The following CDK14 variants were observed in gnomAD, a reference collection of about 807,000 sequenced individuals.
CDK14 encodes cyclin-dependent kinase 14.
CDK14 carries 34 observed loss-of-function variants against 60.7 expected under a neutral mutation model. The observed-to-expected ratio is 0.56, with a 90% CI of 0.43 to 0.75. The LOEUF (loss-of-function observed/expected upper bound fraction) is 0.75, where lower values mean the gene tolerates loss of function less well. Ranked by LOEUF, CDK14 falls within the 30% of genes least tolerant of loss-of-function variation. The pLI is 0.00. For missense variants in CDK14, 482 were observed against 564.1 expected, an observed-to-expected ratio of 0.85 and a Z score of 1.47; for synonymous variants, 197 against 203.7, an observed-to-expected ratio of 0.97 and a Z score of 0.28.
chr7:91,038,807 A>C (rs1797002798), intron 10 of CDK14, among the ~76,000 whole-genome samples: 1 of 152,074 alleles, frequency 6.6e-6, no homozygotes, highest in Non-Finnish European at 1.5e-5. Context: ...GGTTTAAAAA[A>C]TGGGAGTTTC....
rs909965149 is a variant in CDK14 at position 91,107,617 on chromosome 7, G to A, written c.1155-4925G>A. 3 of 152,156 alleles carry A rather than the reference G, an allele frequency of 2.0e-5. No individual in the cohort carries two copies. The South Asian group carries it at 6.2e-4, about 32-fold the overall frequency. The allele number at this position is 152,156 out of a possible 1,614,324, so 9.4% of individuals were successfully genotyped here. A position where few individuals can be genotyped will look rare whatever the true frequency, so the allele number is the denominator to read the frequency against. ...TGTTGCTGGTTTTGGGAGAGCTCTA[G>A]TGTTCGTTGTCCAAGCATTAAAGTG... On this transcript the variant is annotated intron_variant, in intron 12 of 14. Transcript: ENST00000380050.
chr7:91,098,446 T>C (rs966168726), intron 12 of CDK14, among the ~76,000 whole-genome samples: 2 of 150,858 alleles, frequency 1.3e-5, no homozygotes, highest in Non-Finnish European at 2.9e-5. Context: ...ATGGCACATG[T>C]ATACATATGT....
chr7:91,079,221 A>G (rs1431269034), intron 11 of CDK14, among the ~76,000 whole-genome samples: 3 of 152,218 alleles, frequency 2.0e-5, no homozygotes, highest in Non-Finnish European at 4.4e-5. Context: ...AAACCATCTT[A>G]GACTAAAGAA....
intron 2 of CDK14, among the ~76,000 whole-genome samples, chr7:90,685,404 A>G (rs973955600): frequency 1.3e-5 from 2 of 152,168 alleles, no homozygotes. Flanking sequence ...TCCAGTAAAC[A>G]TTAGAATTAC....
At chr7:91,130,473 G>C (rs1310660550) in intron 14 of CDK14, among the ~76,000 whole-genome samples, 1 of 152,078 alleles carries the variant, frequency 6.6e-6, no homozygotes, top group Non-Finnish European at 1.5e-5. Context: ...GGGGTCCTAA[G>C]ATAAAAAAGT....
intron 8 of CDK14, among the ~76,000 whole-genome samples, chr7:90,931,985 C>T (rs2117474585): frequency 6.6e-6 from 1 of 152,168 alleles, no homozygotes; most frequent in East Asian, 1.9e-4. Flanking sequence ...TGACAATTTA[C>T]AAGACGGAAA....
In CDK14 at chr7:90,647,006, A is replaced by C. The variant is rs546362261; in HGVS notation, c.123+42757A>C. 5.3e-5 allele frequency among the ~76,000 whole-genome samples: 8 copies of C among 152,150 alleles called. No individual in the cohort carries two copies. In the South Asian group the frequency reaches 1.7e-3, roughly 32 times the overall value. The stretch of plus-strand genomic sequence containing the variant: ...GTTTTTCCACCTTTACCCTTGTTGC[A>C]TTTTCTGAAGCTTGCAATCTGGAAC... On this transcript the variant is annotated intron_variant, in intron 2 of 14. Transcript: ENST00000380050.
intron 5 of CDK14, among the ~76,000 whole-genome samples, chr7:90,836,334 C>T (rs1412267001): frequency 6.6e-6 from 1 of 152,112 alleles, no homozygotes; most frequent in Non-Finnish European, 1.5e-5. Flanking sequence ...ATTCTATAAG[C>T]TATTTTTAAT....
intron 5 of CDK14, among the ~76,000 whole-genome samples, chr7:90,811,821 C>T (rs1305241320): frequency 2.6e-5 from 4 of 152,222 alleles, no homozygotes; most frequent in Non-Finnish European, 5.9e-5. Context: ...TGAAGAGACA[C>T]TTCTCAAAAG....
At chr7:90,998,878 G>A (rs1054691916) in intron 10 of CDK14, among the ~76,000 whole-genome samples, 1 of 150,970 alleles carries the variant, frequency 6.6e-6, no homozygotes, top group Non-Finnish European at 1.5e-5. Flanking sequence ...GACAGAGTGA[G>A]CCTCCATCTC....
intron 2 of CDK14, among the ~76,000 whole-genome samples, chr7:90,664,322 C>T: frequency 6.6e-6 from 1 of 152,132 alleles, no homozygotes. Flanking sequence ...GAAATAGGAA[C>T]ACTTTTACAC....
At chr7:90,997,347 A>G (rs2115728867) in intron 10 of CDK14, among the ~76,000 whole-genome samples, 1 of 152,316 alleles carries the variant, frequency 6.6e-6, no homozygotes, top group South Asian at 2.1e-4. Flanking sequence ...ACATTTCTTG[A>G]ACTTCTCTGT....
intron 10 of CDK14, among the ~76,000 whole-genome samples, chr7:91,040,710 T>C (rs778770321): frequency 6.6e-6 from 1 of 152,192 alleles, no homozygotes; most frequent in African/African-American, 2.4e-5. Context: ...CTCTGTGCTG[T>C]AGTCTTTGTT....
intron 14 of CDK14, among the ~76,000 whole-genome samples, chr7:91,180,789 G>A (rs1023757733): frequency 5.9e-5 from 9 of 152,168 alleles, no homozygotes; most frequent in Admixed American, 5.9e-4. Context: ...GAAAGGAAGA[G>A]ATGAATATTC....
intron 2 of CDK14, among the ~76,000 whole-genome samples, chr7:90,664,732 C>T (rs914519402): frequency 4.1e-5 from 6 of 145,254 alleles, no homozygotes; most frequent in South Asian, 2.1e-4. Context: ...AGGTGGTAAT[C>T]GAACAATGAG....
intron 5 of CDK14, among the ~76,000 whole-genome samples, chr7:90,859,783 C>T (rs1411110110): frequency 6.6e-6 from 1 of 152,106 alleles, no homozygotes; most frequent in Non-Finnish European, 1.5e-5. Flanking sequence ...TGTTGTAAAT[C>T]TCTCTTTAAA....
intron 4 of CDK14, among the ~76,000 whole-genome samples, chr7:90,768,009 G>T (rs1483614657): frequency 6.6e-6 from 1 of 152,028 alleles, no homozygotes. Context: ...TATCTACGTA[G>T]GTATATTTAT....
rs73400932 is a variant in CDK14, at chr7:91,089,137, A to G, written c.1154+9657A>G. Among the ~76,000 whole-genome samples the G allele has an allele frequency of 8.1e-3, 1,237 of 152,300 alleles. 18 individuals carry two copies. Among genetic ancestry groups the G allele is most frequent in the African/African-American group, 0.027 (1,142 of 41,574 alleles). On this transcript the variant is annotated intron_variant, in intron 12 of 14. Transcript: ENST00000380050. ...TTTGGCTTTTATTTGCTAATTTAGA[A>G]CTGAGTTTTAATAAGTTTTAGATCA...
At chr7:90,701,041 C>T (rs1251209947) in intron 2 of CDK14, among the ~76,000 whole-genome samples, 8 of 152,202 alleles carry the variant, frequency 5.3e-5, no homozygotes, top group African/African-American at 1.9e-4. Flanking sequence ...TTCCACAAAT[C>T]CCTAGTGTAC....
Sources: allele counts gnomAD v4.1 joint callset (sites outside exome capture counted in the v4.1 genomes callset), GRCh38; gene constraint gnomAD v4.1.1; transcripts MANE v1.5; gene names NCBI Gene and HGNC (gene_info 2026-07-23, HGNC 2026-07-21).